MIPOL1: variants seen among roughly 807,000 people sequenced by gnomAD.
The protein encoded by MIPOL1 is mirror-image polydactyly 1, also known as mirror-image polydactyly gene 1 protein.
Under a neutral mutation model 60.9 loss-of-function variants are expected in MIPOL1, and 57 were observed. The ratio of observed to expected loss-of-function variants is 0.94; its 90% CI spans 0.76 to 1.17. MIPOL1 has a LOEUF of 1.17. MIPOL1 is among the 50% of genes most tolerant of loss of function. The probability of loss-of-function intolerance (pLI) is 0.00; values close to 1 mark genes in which losing one functional copy is unlikely to be tolerated. For synonymous variants in MIPOL1, 179 were observed against 168.8 expected (o/e 1.06, Z -0.47); for missense variants, 551 against 511.6 (o/e 1.08, Z -0.74).
At chr14:37,347,160 C>T (rs546960223) in intron 9 of MIPOL1, among the ~76,000 whole-genome samples, 3 of 151,912 alleles carry the variant, frequency 2.0e-5, no homozygotes, top group Non-Finnish European at 4.4e-5. Flanking sequence ...ATAAAAAATC[C>T]ACCATGAAAA....
rs56965903 is a variant in MIPOL1, at chr14:37,200,850, ATGTGTGTGTGTGTGTGTGTG to A, written c.-199+2776_-199+2795del. Among the ~76,000 whole-genome samples, 156 of 87,048 alleles carry A rather than the reference ATGTGTGTGTGTGTGTGTGTG, an allele frequency of 1.8e-3. 1 individual carries two copies. Among genetic ancestry groups the A allele is most frequent in the East Asian group, 2.5e-3 (7 of 2,786 alleles). 57.1% of individuals were successfully genotyped at this position (87,048 alleles called of 152,430 possible). A position where few individuals can be genotyped will look rare whatever the true frequency, so the allele number is the denominator to read the frequency against. ...TAGATCCATAATACTATATCTATCT[ATGTGTGTGTGTGTGTGTGTG>A]TGTGTGTGTGTGTGTGTGTGTGTGT... On this transcript the variant is annotated intron_variant, in intron 1 of 12. Transcript: ENST00000684589.
intron 3 of MIPOL1, among the ~76,000 whole-genome samples, chr14:37,253,962 A>T (rs922707744): frequency 1.3e-5 from 2 of 151,754 alleles, no homozygotes; most frequent in African/African-American, 4.8e-5. Flanking sequence ...TCCATGTGCC[A>T]TTGGGGGTTA....
At chr14:37,207,709 C>A (rs1020527052) in intron 1 of MIPOL1, among the ~76,000 whole-genome samples, 15 of 151,072 alleles carry the variant, frequency 9.9e-5, no homozygotes, top group Admixed American at 6.6e-5. Flanking sequence ...TCATGCCTGG[C>A]TAATTTTTGT....
chr14:37,265,004 C>T (rs2082772050), intron 3 of MIPOL1, among the ~76,000 whole-genome samples: 1 of 152,130 alleles, frequency 6.6e-6, no homozygotes, highest in Non-Finnish European at 1.5e-5. Flanking sequence ...AACTCATTTC[C>T]AGATGAGCCA....
At chr14:37,328,443 T>C (rs1000542229) in intron 9 of MIPOL1, among the ~76,000 whole-genome samples, 3 of 152,166 alleles carry the variant, frequency 2.0e-5, no homozygotes, top group African/African-American at 7.2e-5. Context: ...TTAAGTTTTT[T>C]TCAAAGCTTC....
At chr14:37,524,475 T>C (rs2095433417) in intron 12 of MIPOL1, among the ~76,000 whole-genome samples, 1 of 152,106 alleles carries the variant, frequency 6.6e-6, no homozygotes, top group African/African-American at 2.4e-5. Context: ...ACGACATCTT[T>C]AGCAGGTTGA....
chr14:37,263,051 T>A (rs2082622963), intron 3 of MIPOL1, among the ~76,000 whole-genome samples: 1 of 152,226 alleles, frequency 6.6e-6, no homozygotes, highest in South Asian at 2.1e-4. Flanking sequence ...GTAGCATCAA[T>A]CTGAGTATAG....
chr14:37,489,828 G>T (rs778205557), intron 11 of MIPOL1, among the ~76,000 whole-genome samples: 4 of 152,112 alleles, frequency 2.6e-5, no homozygotes, highest in Admixed American at 2.6e-4. Context: ...TGGAAGCTTC[G>T]TCCTAGAGGG....
At chr14:37,203,012 C>G (rs749184177) in intron 1 of MIPOL1, among the ~76,000 whole-genome samples, 1 of 152,176 alleles carries the variant, frequency 6.6e-6, no homozygotes, top group Non-Finnish European at 1.5e-5. Context: ...GCAGATGACT[C>G]ACTTCCACTT....
intron 10 of MIPOL1, among the ~76,000 whole-genome samples, chr14:37,421,614 G>T (rs775950599): frequency 4.0e-5 from 6 of 151,890 alleles, no homozygotes; most frequent in Non-Finnish European, 8.8e-5. Flanking sequence ...GTTAAAGCAC[G>T]CATTCAAACA....
rs1471818324 is a variant in MIPOL1 at position 37,432,886 on chromosome 14, G to C, written c.1031+9937G>C. Among the ~76,000 whole-genome samples, 3 of 152,236 alleles carry C rather than the reference G, an allele frequency of 2.0e-5. No individual in the cohort carries two copies. The East Asian group carries it at 5.8e-4, about 29-fold the overall frequency. ...TGTGGGACGCTTAGGATTATAGTAT[G>C]ACATGTTTATTATTCAGGGTTCTTC... On this transcript the variant is annotated intron_variant, in intron 11 of 12. Transcript: ENST00000684589.
At chr14:37,271,528 G>T (rs116981903) in intron 6 of MIPOL1, among the ~76,000 whole-genome samples, 1 of 151,876 alleles carries the variant, frequency 6.6e-6, no homozygotes, top group East Asian at 1.9e-4. Context: ...TAACAAAGAT[G>T]ACCATAAATA....
chr14:37,291,530 A>G (rs1007415055), intron 7 of MIPOL1, among the ~76,000 whole-genome samples: 2 of 151,942 alleles, frequency 1.3e-5, no homozygotes, highest in Non-Finnish European at 2.9e-5. Context: ...CTTCTCTTTT[A>G]TTTTATTGAA....
chr14:37,261,268 G>C (rs540015258), intron 3 of MIPOL1, among the ~76,000 whole-genome samples: 6 of 150,696 alleles, frequency 4.0e-5, no homozygotes, highest in African/African-American at 1.2e-4. Context: ...GATTATTTGG[G>C]CCAAAAGAAA....
chr14:37,234,536 T>A (rs889515431), intron 1 of MIPOL1, among the ~76,000 whole-genome samples: 3 of 152,008 alleles, frequency 2.0e-5, no homozygotes, highest in African/African-American at 7.3e-5. Context: ...GGTCTGGCTA[T>A]GTTACCCAGG....
chr14:37,356,778 C>T (rs1162910331), intron 9 of MIPOL1, among the ~76,000 whole-genome samples: 4 of 152,164 alleles, frequency 2.6e-5, no homozygotes, highest in Admixed American at 6.5e-5. Flanking sequence ...ACGCACGGTG[C>T]GCGAACCCAC....
intron 9 of MIPOL1, among the ~76,000 whole-genome samples, chr14:37,313,999 A>G (rs2087618469): frequency 6.6e-6 from 1 of 152,074 alleles, no homozygotes; most frequent in African/African-American, 2.4e-5. Flanking sequence ...GTGATCTTAC[A>G]TTTCTGTTTT....
At chr14:37,256,025 C>T (rs1974863035) in intron 3 of MIPOL1, among the ~76,000 whole-genome samples, 1 of 151,642 alleles carries the variant, frequency 6.6e-6, no homozygotes, top group South Asian at 2.1e-4. Context: ...TTAAATGCTC[C>T]TTTTAAATAC....
intron 11 of MIPOL1, among the ~76,000 whole-genome samples, chr14:37,480,232 G>T (rs1286581965): frequency 6.6e-6 from 1 of 152,078 alleles, no homozygotes; most frequent in East Asian, 1.9e-4. Flanking sequence ...TGATCCCAGA[G>T]TCAGACCAGG....
Sources: gnomAD v4.1 joint callset for allele counts (sites outside exome capture counted in the v4.1 genomes callset) on GRCh38, gnomAD v4.1.1 for gene constraint, MANE v1.5 for transcripts, NCBI Gene and HGNC (gene_info 2026-07-23, HGNC 2026-07-21) for gene names.